PCSK5: variants seen among roughly 807,000 people sequenced by gnomAD.
PCSK5 encodes prohormone convertase 5.
In PCSK5, 129 loss-of-function variants were observed where a neutral mutation model predicts 233.2. That is an observed-to-expected ratio of 0.55 (90% CI 0.48 to 0.64). The LOEUF is 0.64. Ranked by LOEUF, PCSK5 falls within the 30% of genes least tolerant of loss-of-function variation. PCSK5 has a pLI of 0.00. For missense variants in PCSK5, 2,076 were observed against 2,430.1 expected, an observed-to-expected ratio of 0.85 and a Z score of 3.06; for synonymous variants, 825 against 879.2, an observed-to-expected ratio of 0.94 and a Z score of 1.09.
At position 76,153,606 on chromosome 9, in the gene PCSK5, T is replaced by G. The variant is rs1175156831; in HGVS notation, c.1313-3439T>G. Among the ~76,000 whole-genome samples the G allele has an allele frequency of 3.3e-5, 5 of 152,358 alleles. No individual in the cohort carries two copies. The East Asian group carries it at 9.6e-4, about 29-fold the overall frequency. ...ATGGAATGGCCGTATCGTAACCAAC[T>G]GTTTGCATGGTATATTTGCTATAAT... On this transcript the variant is annotated intron_variant, in intron 10 of 37. Transcript: ENST00000674117.
chr9:76,349,114 A>AT (rs1830050898), intron 35 of PCSK5, among the ~76,000 whole-genome samples: 2 of 49,836 alleles, frequency 4.0e-5, no homozygotes, highest in Non-Finnish European at 1.3e-4. Context: ...TACTAAAAAC[A>AT]TAAAAAAAAA....
At chr9:76,260,020 T>C (rs774581800) in intron 24 of PCSK5, among the ~76,000 whole-genome samples, 6 of 152,222 alleles carry the variant, frequency 3.9e-5, no homozygotes, top group Non-Finnish European at 8.8e-5. Flanking sequence ...TAGGTGTATT[T>C]GATTTTTCAT....
chr9:76,063,338 T>C (rs1327069246), intron 5 of PCSK5, among the ~76,000 whole-genome samples: 6 of 139,086 alleles, frequency 4.3e-5, no homozygotes, highest in African/African-American at 1.6e-4. Context: ...TTTTTTTTTT[T>C]TTTTTTTTTT....
chr9:76,338,194 C>T, intron 34 of PCSK5, 36 bp from the exon 35 acceptor site: 1 of 1,479,886 alleles, frequency 6.8e-7, no homozygotes, highest in African/African-American at 1.4e-5. Flanking sequence ...AGGAGCAAAG[C>T]TTACTATTCC....
intron 2 of PCSK5, among the ~76,000 whole-genome samples, chr9:75,965,694 G>T (rs1052686733): frequency 2.6e-5 from 4 of 152,216 alleles, no homozygotes; most frequent in Non-Finnish European, 5.9e-5. Flanking sequence ...CGGGCACCCT[G>T]TGGCCTAGTC....
intron 12 of PCSK5, among the ~76,000 whole-genome samples, chr9:76,159,971 C>T (rs1196414700): frequency 6.6e-6 from 1 of 151,850 alleles, no homozygotes; most frequent in Non-Finnish European, 1.5e-5. Context: ...TACAGCCGTG[C>T]CCCACCATGC....
chr9:76,244,570 T>G (rs1435494787), intron 24 of PCSK5, among the ~76,000 whole-genome samples: 1 of 151,618 alleles, frequency 6.6e-6, no homozygotes, highest in Non-Finnish European at 1.5e-5. Context: ...GGGGTTTTTT[T>G]TTTTTTTTTT....
intron 24 of PCSK5, among the ~76,000 whole-genome samples, chr9:76,282,145 T>TTC (rs1827893008): frequency 2.0e-5 from 2 of 98,906 alleles, no homozygotes; most frequent in Admixed American, 1.3e-4. Context: ...TTTTTTTTTT[T>TTC]TTCGCTCTGT....
At chr9:76,298,075 C>T (rs1272527655) in intron 27 of PCSK5, among the ~76,000 whole-genome samples, 1 of 152,146 alleles carries the variant, frequency 6.6e-6, no homozygotes, top group Non-Finnish European at 1.5e-5. Context: ...ATTTAAGAGG[C>T]AGTGCAAGCC....
intron 35 of PCSK5, among the ~76,000 whole-genome samples, chr9:76,346,483 C>T (rs1259989699): frequency 6.6e-6 from 1 of 152,114 alleles, no homozygotes; most frequent in Non-Finnish European, 1.5e-5. Context: ...CTTCTTCCTC[C>T]TGTATTTGAC....
chr9:76,251,640 C>T lies in PCSK5; in HGVS notation c.3142+10956C>T, dbSNP rs539132882. Among the ~76,000 whole-genome samples the T allele has an allele frequency of 2.6e-5, 4 of 151,450 alleles. No individual in the cohort carries two copies. In the South Asian group the frequency reaches 8.3e-4, roughly 32 times the overall value. On this transcript the variant is annotated intron_variant, in intron 24 of 37. Transcript: ENST00000674117. ...AATGATTCCATTAATATTCTCTTTG[C>T]TGATTCTGTATAATACAGTAACTGA...
chr9:75,908,941 G>GTCTATCTATCTATCTA (rs58082978), intron 1 of PCSK5, among the ~76,000 whole-genome samples: 86 of 116,638 alleles, frequency 7.4e-4, no homozygotes, highest in African/African-American at 1.2e-3. Flanking sequence ...CTCTCTCTCT[G>GTCTATCTATCTATCTA]TCTATCTATC....
At chr9:75,930,230 C>T (rs1301205926) in intron 1 of PCSK5, among the ~76,000 whole-genome samples, 4 of 152,294 alleles carry the variant, frequency 2.6e-5, no homozygotes, top group African/African-American at 7.2e-5. Flanking sequence ...ATTCAGTTAT[C>T]TCCCACTGGG....
intron 9 of PCSK5, among the ~76,000 whole-genome samples, chr9:76,126,505 C>G (rs1005034044): frequency 6.6e-6 from 1 of 152,054 alleles, no homozygotes; most frequent in Non-Finnish European, 1.5e-5. Flanking sequence ...CCCAGCCACT[C>G]AGGAGGCTGA....
intron 9 of PCSK5, among the ~76,000 whole-genome samples, chr9:76,111,928 T>C (rs560243145): frequency 1.3e-5 from 2 of 152,282 alleles, no homozygotes; most frequent in African/African-American, 4.8e-5. Context: ...TTCTATAAAA[T>C]TGTTTATAAA....
At chr9:76,327,909 A>T in intron 32 of PCSK5, 100 bp from the exon 33 acceptor site, 1 of 773,986 alleles carries the variant, frequency 1.3e-6, no homozygotes, top group Admixed American at 1.8e-5. Flanking sequence ...TCCGGAAGAA[A>T]TGTGAAAGGA....
chr9:76,002,078 T>A (rs148867137), intron 3 of PCSK5, among the ~76,000 whole-genome samples: 1 of 152,288 alleles, frequency 6.6e-6, no homozygotes, highest in East Asian at 1.9e-4. Flanking sequence ...TGGTAATGAT[T>A]TTATTCATTC....
Position 76,131,936 on chromosome 9 carries a change from ATTC to A in PCSK5, c.1209-2170_1209-2168del, listed in dbSNP as rs1487169208. 5.3e-5 allele frequency among the ~76,000 whole-genome samples: 8 copies of A among 152,224 alleles called. No individual in the cohort carries two copies. In the East Asian group the frequency reaches 1.5e-3, roughly 29 times the overall value. On this transcript the variant is annotated intron_variant, in intron 9 of 37. Transcript: ENST00000674117. ...AGATATTTTCGTCAAATCTAAGTGT[ATTC>A]TTTGGTATCTCACTGTTTACTCATG... is the stretch of plus-strand genomic sequence containing the variant.
intron 1 of PCSK5, among the ~76,000 whole-genome samples, chr9:75,931,618 T>C (rs931604029): frequency 7.9e-5 from 12 of 152,214 alleles, no homozygotes; most frequent in African/African-American, 2.9e-4. Context: ...TGGTTGAGGT[T>C]TTGCTAGTTT....
Sources: allele counts gnomAD v4.1 joint callset (sites outside exome capture counted in the v4.1 genomes callset), GRCh38; gene constraint gnomAD v4.1.1; transcripts MANE v1.5; gene names NCBI Gene and HGNC (gene_info 2026-07-23, HGNC 2026-07-21).